The following GALNT17 variants were observed in gnomAD, a reference collection of about 807,000 sequenced individuals.
The protein encoded by GALNT17 is UDP-GalNAc:polypeptide N-acetylgalactosaminyltransferase-like 3.
In GALNT17, 29 loss-of-function variants were observed where a neutral mutation model predicts 63.7. That is an observed-to-expected ratio of 0.46 (90% CI 0.34 to 0.62). The LOEUF (loss-of-function observed/expected upper bound fraction) is 0.62. GALNT17 is among the 20% of genes least tolerant of loss of function. GALNT17 has a pLI of 0.01. For synonymous variants in GALNT17, 305 were observed against 318.3 expected, an observed-to-expected ratio of 0.96 and a Z score of 0.45; for missense variants, 603 against 799.6, an observed-to-expected ratio of 0.75 and a Z score of 2.97.
chr7:71,420,899 A>C lies in GALNT17; in HGVS notation c.765-9A>C, dbSNP rs771465510. The C allele has an allele frequency of 2.5e-6, 4 of 1,598,042 alleles. No homozygotes were observed. The highest frequency in any genetic ancestry group is 3.4e-6 in the Non-Finnish European group (4 of 1,171,114). On this transcript the variant is annotated splice_polypyrimidine_tract_variant and intron_variant, in intron 4 of 10. Transcript: ENST00000333538. ...AGAGAGGTTTCATGTCTATTTCTCT[A>C]TGTTTCAGGGCTGAGCCGGTTCTAT... is the stretch of plus-strand genomic sequence containing the variant.
At chr7:71,164,508 G>A (rs1472583715) in intron 1 of GALNT17, among the ~76,000 whole-genome samples, 1 of 152,190 alleles carries the variant, frequency 6.6e-6, no homozygotes, top group Non-Finnish European at 1.5e-5. Context: ...ATTTGGGTGG[G>A]GACACAGAGC....
At chr7:71,191,012 G>C (rs979775625) in intron 1 of GALNT17, among the ~76,000 whole-genome samples, 1 of 152,110 alleles carries the variant, frequency 6.6e-6, no homozygotes, top group African/African-American at 2.4e-5. Context: ...GTAAGATCCT[G>C]CCCTTGTGTT....
chr7:71,184,963 C>G (rs907620841), intron 1 of GALNT17, among the ~76,000 whole-genome samples: 1 of 111,000 alleles, frequency 9.0e-6, no homozygotes, highest in Non-Finnish European at 1.7e-5. Flanking sequence ...TTCCTTCCTT[C>G]CTTCCTTCCT....
intron 1 of GALNT17, among the ~76,000 whole-genome samples, chr7:71,138,810 CA>C (rs1220900367): frequency 6.6e-6 from 1 of 151,886 alleles, no homozygotes; most frequent in Non-Finnish European, 1.5e-5. Flanking sequence ...CCTGTCTCTA[CA>C]AAAAAATACA....
At chr7:71,429,222 G>C (rs1213598779) in intron 5 of GALNT17, among the ~76,000 whole-genome samples, 3 of 146,710 alleles carry the variant, frequency 2.0e-5, no homozygotes, top group African/African-American at 4.9e-5. Context: ...AAGTCTGAAG[G>C]CAGAAAGGAA....
chr7:71,629,411 C>G (rs1028166382), intron 6 of GALNT17, among the ~76,000 whole-genome samples: 3 of 152,174 alleles, frequency 2.0e-5, no homozygotes, highest in African/African-American at 7.2e-5. Flanking sequence ...AAACTCAGAA[C>G]ATCATCTAAC....
At chr7:71,371,546 T>G (rs2116275619) in intron 2 of GALNT17, among the ~76,000 whole-genome samples, 1 of 152,374 alleles carries the variant, frequency 6.6e-6, no homozygotes, top group South Asian at 2.1e-4. Flanking sequence ...CACTCTTTTG[T>G]TATTGCTGTA....
chr7:71,327,688 T>A (rs988047142), intron 1 of GALNT17, among the ~76,000 whole-genome samples: 4 of 152,164 alleles, frequency 2.6e-5, no homozygotes, highest in Admixed American at 2.6e-4. Flanking sequence ...TGTGAAGGGT[T>A]AAGGGAAACC....
intron 6 of GALNT17, among the ~76,000 whole-genome samples, chr7:71,576,316 A>G (rs760353223): frequency 6.6e-6 from 1 of 152,212 alleles, no homozygotes; most frequent in African/African-American, 2.4e-5. Flanking sequence ...GTGTGGATGC[A>G]TTGAATTGTG....
chr7:71,414,421 G>A (rs1583931598), intron 3 of GALNT17, among the ~76,000 whole-genome samples: 1 of 152,040 alleles, frequency 6.6e-6, no homozygotes, highest in African/African-American at 2.4e-5. Flanking sequence ...TTTAGTTGTA[G>A]CAGCCATAAG....
At chr7:71,460,570 G>A (rs555269847) in intron 5 of GALNT17, among the ~76,000 whole-genome samples, 43 of 152,216 alleles carry the variant, frequency 2.8e-4, no homozygotes, top group Admixed American at 2.0e-3. Flanking sequence ...CCCCAAGAGA[G>A]GGTTCTTGGA....
At chr7:71,531,187 A>G (rs1379703075) in intron 5 of GALNT17, among the ~76,000 whole-genome samples, 1 of 152,214 alleles carries the variant, frequency 6.6e-6, no homozygotes, top group Non-Finnish European at 1.5e-5. Flanking sequence ...TCACAAAACT[A>G]ACACCACAAT....
Position 71,440,575 on chromosome 7 carries a change from T to C in GALNT17, c.962+19470T>C, listed in dbSNP as rs182109767. ...TTTTAGTAGAGATGGGGTTTCACCA[T>C]GTTGGTCAGGCTGGTCTTGAACTCC... On this transcript the variant is annotated intron_variant, in intron 5 of 10. Transcript: ENST00000333538. Among the ~76,000 whole-genome samples, 390 of 152,188 alleles carry C rather than the reference T, an allele frequency of 2.6e-3. 3 individuals carry two copies. The highest frequency in any genetic ancestry group is 9.1e-3 in the African/African-American group (379 of 41,514).
chr7:71,286,224 C>T (rs912523966), intron 1 of GALNT17, among the ~76,000 whole-genome samples: 5 of 152,216 alleles, frequency 3.3e-5, no homozygotes. Flanking sequence ...TGAACTTAAG[C>T]CTCAATAGCT....
At chr7:71,636,011 C>T (rs1673933869) in intron 6 of GALNT17, among the ~76,000 whole-genome samples, 1 of 152,176 alleles carries the variant, frequency 6.6e-6, no homozygotes, top group South Asian at 2.1e-4. Context: ...CTAAGAATGC[C>T]TCAACCTCCT....
chr7:71,217,153 T>G (rs572101016), intron 1 of GALNT17, among the ~76,000 whole-genome samples: 1 of 149,748 alleles, frequency 6.7e-6, no homozygotes, highest in East Asian at 2.0e-4. Flanking sequence ...TTGTTTTTTT[T>G]TTTTTTTTTT....
At chr7:71,306,709 T>C (rs1791306110) in intron 1 of GALNT17, among the ~76,000 whole-genome samples, 1 of 152,236 alleles carries the variant, frequency 6.6e-6, no homozygotes, top group Non-Finnish European at 1.5e-5. Flanking sequence ...CTCTTTTGTT[T>C]ATTCATCTGT....
chr7:71,545,423 G>A (rs5020985), intron 5 of GALNT17, among the ~76,000 whole-genome samples: 47,476 of 152,066 alleles, frequency 0.31, 8,788 homozygotes, highest in Middle Eastern at 0.41. Flanking sequence ...CATGATCTTG[G>A]CTCACTGCAA....
rs540265495 is a variant in GALNT17, at chr7:71,578,193, C to T, written c.1080+6791C>T. 2.7e-3 allele frequency among the ~76,000 whole-genome samples: 412 copies of T among 152,082 alleles called. 2 individuals carry two copies. The highest frequency in any genetic ancestry group is 8.3e-3 in the African/African-American group (346 of 41,482). On this transcript the variant is annotated intron_variant, in intron 6 of 10. Coordinates refer to ENST00000333538, the MANE Select transcript of GALNT17 (RefSeq NM_022479.3). ...CTGGGATTACAGGCACCCACCACCACGCCTGGCTAATTTTTTGCGTTTAAT... is the reference window on the plus strand; with the variant it reads ...CTGGGATTACAGGCACCCACCACCATGCCTGGCTAATTTTTTGCGTTTAAT...
Sources: allele counts gnomAD v4.1 joint callset (sites outside exome capture counted in the v4.1 genomes callset), GRCh38; gene constraint gnomAD v4.1.1; transcripts MANE v1.5; gene names NCBI Gene and HGNC (gene_info 2026-07-23, HGNC 2026-07-21).